The following NRG3 variants were observed in gnomAD, a reference collection of about 807,000 sequenced individuals.
NRG3 encodes pro-neuregulin-3, membrane-bound isoform.
Under a neutral mutation model 66.9 loss-of-function variants are expected in NRG3, and 31 were observed. The observed-to-expected ratio is 0.46, with a 90% CI of 0.35 to 0.63. The LOEUF is 0.63. Among genes scored for constraint, NRG3 ranks in the 20% least tolerant of loss-of-function variants. NRG3 has a pLI of 0.00. For synonymous variants in NRG3, 393 were observed against 359.4 expected (o/e 1.09, Z -1.06); for missense variants, 910 against 878.9 (o/e 1.04, Z -0.45).
intron 3 of NRG3, among the ~76,000 whole-genome samples, chr10:82,811,832 T>C (rs911731510): frequency 6.6e-6 from 1 of 152,188 alleles, no homozygotes. Context: ...GGCTTTGAAA[T>C]TTTCAGAGTT....
intron 3 of NRG3, among the ~76,000 whole-genome samples, chr10:82,844,138 A>G (rs933075330): frequency 1.3e-5 from 2 of 152,188 alleles, no homozygotes; most frequent in African/African-American, 4.8e-5. Flanking sequence ...AATCACAGAC[A>G]ATGGCAGAAA....
At chr10:82,526,978 A>G (rs942659646) in intron 2 of NRG3, among the ~76,000 whole-genome samples, 2 of 152,098 alleles carry the variant, frequency 1.3e-5, no homozygotes, top group African/African-American at 4.8e-5. Context: ...TATTGATAGT[A>G]TGTTTGAAGT....
chr10:82,264,420 C>T (rs1029636495), intron 1 of NRG3, among the ~76,000 whole-genome samples: 3 of 152,212 alleles, frequency 2.0e-5, no homozygotes, highest in South Asian at 2.1e-4. Context: ...ACTCCCGCCC[C>T]GCCCGATTCA....
intron 1 of NRG3, among the ~76,000 whole-genome samples, chr10:82,227,215 C>T (rs912759374): frequency 6.6e-6 from 1 of 152,104 alleles, no homozygotes; most frequent in African/African-American, 2.4e-5. Flanking sequence ...AGTTCATCAT[C>T]ACTGCTGCTT....
At chr10:82,657,596 G>T (rs2051969632) in intron 2 of NRG3, among the ~76,000 whole-genome samples, 1 of 151,896 alleles carries the variant, frequency 6.6e-6, no homozygotes, top group Admixed American at 6.6e-5. Flanking sequence ...ATGGGCTAGT[G>T]GTTAGACTAT....
chr10:82,186,134 A>AT (rs993251698), intron 1 of NRG3, among the ~76,000 whole-genome samples: 22 of 151,800 alleles, frequency 1.4e-4, no homozygotes, highest in Non-Finnish European at 2.1e-4. Flanking sequence ...TAAAAACAAG[A>AT]TTTTTTTTTA....
In NRG3 at chr10:82,597,382, A is replaced by T. The variant is rs76514985; in HGVS notation, c.954-141195A>T. Reference sequence around the variant, plus strand: ...AGATAATTATTTCACGGCCCTTGAAACTCCTTGCACATTTCTAGCTTGTAA... The same window carrying T: ...AGATAATTATTTCACGGCCCTTGAATCTCCTTGCACATTTCTAGCTTGTAA... On this transcript the variant is annotated intron_variant, in intron 2 of 8. Coordinates refer to ENST00000372141, the MANE Select transcript of NRG3 (RefSeq NM_001010848.4). Among the ~76,000 whole-genome samples the T allele has an allele frequency of 4.8e-3, 724 of 151,696 alleles. 4 individuals are homozygous for T. Among genetic ancestry groups the T allele is most frequent in the African/African-American group, 0.017 (694 of 41,340 alleles).
chr10:82,091,456 G>T lies in NRG3; in HGVS notation c.823+215293G>T, dbSNP rs559366783. The stretch of plus-strand genomic sequence containing the variant: ...TGTCTGGTGTATTTCACTAAGCATG[G>T]TTTCAAGGTCCATTCATGTTCTAGC... On this transcript the variant is annotated intron_variant, in intron 1 of 8. Transcript: ENST00000372141. Among the ~76,000 whole-genome samples, 3 of 152,104 alleles carry T rather than the reference G, an allele frequency of 2.0e-5. No individual in the cohort carries two copies. In the East Asian group the frequency reaches 5.8e-4, roughly 29 times the overall value.
rs1845012617 is a variant in NRG3 at position 82,908,780 on chromosome 10, C to A, written c.1055-42689C>A. 3.3e-5 allele frequency among the ~76,000 whole-genome samples: 5 copies of A among 152,350 alleles called. No individual in the cohort carries two copies. The South Asian group carries it at 1.0e-3, about 32-fold the overall frequency. On this transcript the variant is annotated intron_variant, in intron 4 of 8. Transcript: ENST00000372141. ...GCTTAGCTCCATCCCTAGATGCTCT[C>A]TGTTCACAATGAGATAAGAGATTTG...
At position 81,875,720 on chromosome 10, in the gene NRG3, C is replaced by A; in HGVS notation, c.380C>A (p.Thr127Asn). 1 of 1,605,304 alleles carries A rather than the reference C, an allele frequency of 6.2e-7. No homozygotes were observed. The highest frequency in any genetic ancestry group is 8.5e-7 in the Non-Finnish European group (1 of 1,179,810). The change falls in exon 1 of 9, where the codon ACC becomes AAC. Residue 127 changes from threonine to asparagine, a missense_variant. Physicochemically the swap from Thr to Asn is moderately conservative, Grantham distance 65. Coordinates refer to ENST00000372141, the MANE Select transcript of NRG3 (RefSeq NM_001010848.4). This position sits in a 1 kb window ranked among gnomAD's most constrained non-coding sequence, Gnocchi z 5.3. The part of the protein sequence containing the change: ...KPSSFPKAME[T>N]TTTTTSTTSP... ...AGCTCTTTCCCCAAGGCCATGGAGA[C>A]CACCACCACTACCACTTCCACCACG...
At chr10:82,874,663 G>T (rs1841646694) in intron 4 of NRG3, among the ~76,000 whole-genome samples, 1 of 152,150 alleles carries the variant, frequency 6.6e-6, no homozygotes, top group African/African-American at 2.4e-5. Context: ...ATGAGTGAAT[G>T]AAGTAGTAAC....
chr10:81,875,478 C>G lies in NRG3; in HGVS notation c.138C>G (p.Ala46=), dbSNP rs1841534767. Residue 46 remains alanine, a synonymous_variant, in exon 1 of 9, where the codon GCC becomes GCG. Transcript: ENST00000372141. This position sits in a 1 kb window ranked among gnomAD's most constrained non-coding sequence, Gnocchi z 5.3. ...CGGACGGCGGCGGCGAAGGGGCGGC[C>G]GAGCCCCCCCGGGAGTTACGCTGTA... ...GGPDGGGEGA[A]EPPRELRCSD... is the part of the protein sequence containing the mutation. 1.5e-6 allele frequency: 2 copies of G among 1,331,530 alleles called. No individual in the cohort carries two copies. The highest frequency in any genetic ancestry group is 2.6e-5 in the Admixed American group (1 of 37,844). The allele number at this position is 1,331,530 out of a possible 1,614,324, so 82.5% of individuals were successfully genotyped here.
intron 2 of NRG3, among the ~76,000 whole-genome samples, chr10:82,542,844 T>C (rs1202093309): frequency 6.6e-6 from 1 of 152,080 alleles, no homozygotes; most frequent in Admixed American, 6.5e-5. Context: ...AGGAGACTAG[T>C]ATTGACATGA....
chr10:82,493,576 T>C (rs1458037228), intron 2 of NRG3, among the ~76,000 whole-genome samples: 2 of 152,280 alleles, frequency 1.3e-5, no homozygotes, highest in Non-Finnish European at 2.9e-5. Context: ...TTGTGAATAG[T>C]GCTGCAATGA....
chr10:81,926,983 G>A (rs907359958), intron 1 of NRG3, among the ~76,000 whole-genome samples: 3 of 152,196 alleles, frequency 2.0e-5, no homozygotes, highest in Non-Finnish European at 2.9e-5. Flanking sequence ...ATGGCATTGC[G>A]TGTGGCGACA....
At chr10:81,936,512 A>T (rs1847883034) in intron 1 of NRG3, among the ~76,000 whole-genome samples, 1 of 151,768 alleles carries the variant, frequency 6.6e-6, no homozygotes, top group Non-Finnish European at 1.5e-5. Flanking sequence ...GGGGTCAGGA[A>T]GTAGACAGTG....
chr10:82,555,806 A>G (rs1590652450), intron 2 of NRG3, among the ~76,000 whole-genome samples: 1 of 152,224 alleles, frequency 6.6e-6, no homozygotes, highest in African/African-American at 2.4e-5. Flanking sequence ...TTATAAACGT[A>G]GTTTAGAATT....
intron 4 of NRG3, among the ~76,000 whole-genome samples, chr10:82,866,909 CATAGTT>C (rs1238167240): frequency 1.3e-5 from 2 of 152,020 alleles, no homozygotes; most frequent in Non-Finnish European, 2.9e-5. Context: ...CTTGAGAGGA[CATAGTT>C]TTGGATAAGT....
intron 1 of NRG3, among the ~76,000 whole-genome samples, chr10:82,329,437 GTTTTTTTTTT>G (rs529385530): frequency 8.8e-6 from 1 of 113,040 alleles, no homozygotes; most frequent in South Asian, 2.9e-4. Context: ...TTCCTTCTTG[GTTTTTTTTTT>G]TTTTTTTTTA....
Sources: allele counts gnomAD v4.1 joint callset (sites outside exome capture counted in the v4.1 genomes callset), GRCh38; gene constraint gnomAD v4.1.1; non-coding constraint Gnocchi (gnomAD v3.1); transcripts MANE v1.5; gene names NCBI Gene and HGNC (gene_info 2026-07-23, HGNC 2026-07-21).